TMX4: variants seen among roughly 807,000 people sequenced by gnomAD.
TMX4 encodes the protein thioredoxin related transmembrane protein 4.
A neutral mutation model predicts 33.3 loss-of-function variants in TMX4; 23 were observed. The ratio of observed to expected loss-of-function variants is 0.69; its 90% CI spans 0.50 to 0.98. TMX4 has a LOEUF of 0.98. TMX4 is among the 50% of genes least tolerant of loss of function. TMX4 has a pLI of 0.00. For synonymous variants in TMX4, 164 were observed against 161.5 expected, an observed-to-expected ratio of 1.02 and a Z score of -0.12; for missense variants, 399 against 448.9, an observed-to-expected ratio of 0.89 and a Z score of 1.01.
At chr20:8,002,123 T>G (rs1568537066) in intron 2 of TMX4, among the ~76,000 whole-genome samples, 2 of 152,226 alleles carry the variant, frequency 1.3e-5, no homozygotes, top group Admixed American at 1.3e-4. Context: ...TGAAAAATAT[T>G]TTTTCCAATT....
chr20:8,010,243 T>C lies in TMX4; in HGVS notation c.249A>G (p.Ile83Met). The change falls in exon 2 of 8, where the codon ATA (isoleucine) becomes ATG (methionine). Residue 83 changes from isoleucine (I) to methionine (M), a missense_variant. Ile to Met is a conservative substitution (Grantham distance 10). Coordinates refer to ENST00000246024, the MANE Select transcript of TMX4 (RefSeq NM_021156.4). ...CTACCTTCCCCACACTGATCTGAAG[T>C]ATTTCACCATTCTTTGCAAAAGCCT... ...EWEAFAKNGE[I>M]LQISVGKVDV... 1 of 1,612,192 alleles carries C rather than the reference T, an allele frequency of 6.2e-7. No homozygotes were observed.
chr20:7,999,246 G>C (rs933633368), intron 4 of TMX4, among the ~76,000 whole-genome samples: 11 of 152,182 alleles, frequency 7.2e-5, no homozygotes, highest in South Asian at 4.1e-4. Flanking sequence ...ACCTCACCAA[G>C]TATTATACAG....
At chr20:8,005,842 G>A (rs2050727188) in intron 2 of TMX4, among the ~76,000 whole-genome samples, 1 of 152,124 alleles carries the variant, frequency 6.6e-6, no homozygotes, top group Non-Finnish European at 1.5e-5. Flanking sequence ...AACTCCAGGG[G>A]AAAACCACCA....
intron 1 of TMX4, among the ~76,000 whole-genome samples, chr20:8,010,755 GT>G (rs2050749675): frequency 6.6e-6 from 1 of 152,108 alleles, no homozygotes; most frequent in Non-Finnish European, 1.5e-5. Flanking sequence ...CAAATCTGTT[GT>G]TTGAGCATCC....
At chr20:8,011,590 CAG>C (rs1014803475) in intron 1 of TMX4, among the ~76,000 whole-genome samples, 4 of 151,848 alleles carry the variant, frequency 2.6e-5, no homozygotes, top group Non-Finnish European at 5.9e-5. Context: ...AAAGATGAGT[CAG>C]GGGTTAAAAA....
rs1056738190 is a variant in TMX4 at position 7,982,033 on chromosome 20, C to T, written c.*218G>A. ...TTCCCATCCCAGTCTCCAAACAGAT[C>T]CCAACACTACGTTTGTTTTTCTATA... On this transcript the variant is annotated 3_prime_UTR_variant, in exon 8 of 8. Transcript: ENST00000246024. The T allele has an allele frequency of 1.8e-6, 1 of 546,502 alleles. No homozygotes were observed. The highest frequency in any genetic ancestry group is 1.9e-5 in the African/African-American group (1 of 52,738). 33.9% of individuals were successfully genotyped at this position (546,502 alleles called of 1,614,324 possible).
chr20:7,988,990 A>G (rs1285844885), intron 5 of TMX4, among the ~76,000 whole-genome samples: 2 of 151,884 alleles, frequency 1.3e-5, no homozygotes, highest in Non-Finnish European at 1.5e-5. Flanking sequence ...ACTGCACTCC[A>G]GCCTGGGTGA....
intron 2 of TMX4, 81 bp downstream of exon 2, chr20:8,010,119 T>G (rs1298600842): frequency 1.1e-5 from 13 of 1,230,870 alleles, no homozygotes; most frequent in African/African-American, 4.6e-5. Context: ...TCCCAGACTC[T>G]CAACTTTTCT....
At chr20:8,006,152 C>A (rs540742820) in intron 2 of TMX4, among the ~76,000 whole-genome samples, 1 of 140,258 alleles carries the variant, frequency 7.1e-6, no homozygotes, top group Non-Finnish European at 1.5e-5. Context: ...ACAGCCTGCC[C>A]GTCTGCATGT....
intron 3 of TMX4, among the ~76,000 whole-genome samples, chr20:8,000,195 T>C (rs565276151): frequency 1.3e-5 from 2 of 152,304 alleles, no homozygotes; most frequent in East Asian, 3.9e-4. Context: ...GCCATTGTTA[T>C]CAAGTTTAAA....
intron 1 of TMX4, among the ~76,000 whole-genome samples, chr20:8,014,470 C>T (rs549278826): frequency 1.5e-3 from 226 of 152,228 alleles, no homozygotes; most frequent in African/African-American, 5.3e-3. Context: ...TTTTTGAACA[C>T]AAACTACTTG....
intron 2 of TMX4, among the ~76,000 whole-genome samples, chr20:8,004,252 T>C (rs1218280141): frequency 2.0e-5 from 3 of 152,160 alleles, no homozygotes; most frequent in African/African-American, 7.2e-5. Flanking sequence ...AAAATTTTCA[T>C]TACCTGAAAA....
At chr20:7,987,411 TA>T (rs1568533867) in intron 5 of TMX4, 22 bp from the exon 6 acceptor site, 1 of 1,531,622 alleles carries the variant, frequency 6.5e-7, no homozygotes, top group Non-Finnish European at 8.8e-7. Context: ...AGAAAAAAAA[TA>T]AAACATTAAT....
chr20:8,009,645 A>C (rs762204479), intron 2 of TMX4, among the ~76,000 whole-genome samples: 2 of 152,120 alleles, frequency 1.3e-5, no homozygotes, highest in African/African-American at 2.4e-5. Flanking sequence ...TCATGCACCT[A>C]AACTCTCAGT....
intron 1 of TMX4, among the ~76,000 whole-genome samples, chr20:8,016,462 T>C (rs2050775968): frequency 6.6e-6 from 1 of 152,342 alleles, no homozygotes; most frequent in South Asian, 2.1e-4. Flanking sequence ...ATCATCAGAA[T>C]AGAAACGGTG....
In TMX4 at chr20:7,988,521, T is replaced by C. The variant is rs184874283; in HGVS notation, c.514-1132A>G. 1.3e-4 allele frequency among the ~76,000 whole-genome samples: 20 copies of C among 152,320 alleles called. 1 individual carries two copies. The East Asian group carries it at 2.7e-3, about 21-fold the overall frequency. ...ACAATTTCTTATTCAGCAGAAGAGA[T>C]AGAGCTAAAGACGCAGCAAGTAGTT... is the stretch of plus-strand genomic sequence containing the variant. On this transcript the variant is annotated intron_variant, in intron 5 of 7. Coordinates refer to ENST00000246024, the MANE Select transcript of TMX4 (RefSeq NM_021156.4).
Position 7,983,805 on chromosome 20 carries a change from G to A in TMX4, c.668C>T (p.Ser223Phe), listed in dbSNP as rs2050619203. Residue 223 changes from serine to phenylalanine, a missense_variant, in exon 7 of 8, where the codon TCT (serine) becomes TTT (phenylalanine). Transcript: ENST00000246024. ...CTTATCGTACTTACCAGAACGCTCA[G>A]ATAAATGCCTTGGAAGTGGCACATA... ...CFYVPLPRHLSERSEQNRRSE... is the reference protein window; with the variant it reads ...CFYVPLPRHLFERSEQNRRSE... 6.2e-7 allele frequency: 1 copy of A among 1,613,534 alleles called. No individual in the cohort carries two copies.
chr20:7,988,717 G>C (rs2050640899), intron 5 of TMX4, among the ~76,000 whole-genome samples: 1 of 152,176 alleles, frequency 6.6e-6, no homozygotes, highest in African/African-American at 2.4e-5. Context: ...TGTTTAGCCA[G>C]GACAACTGTT....
intron 5 of TMX4, among the ~76,000 whole-genome samples, chr20:7,991,832 T>C (rs114718346): frequency 0.012 from 1,635 of 131,950 alleles, 17 homozygotes; most frequent in African/African-American, 0.042. Context: ...AGTCTATGGC[T>C]GGAAAAAAAA....
Sources: allele counts gnomAD v4.1 joint callset (sites outside exome capture counted in the v4.1 genomes callset), GRCh38; gene constraint gnomAD v4.1.1; transcripts MANE v1.5; gene names NCBI Gene and HGNC (gene_info 2026-07-23, HGNC 2026-07-21).